MIB1: variants seen among roughly 807,000 people sequenced by gnomAD.
MIB1 encodes E3 ubiquitin-protein ligase MIB1.
A neutral mutation model predicts 124.5 loss-of-function variants in MIB1; 278 were observed. The ratio of observed to expected loss-of-function variants is 2.23; its 90% CI spans 2.02 to 2.47. The LOEUF is 2.47. Ranked by LOEUF, MIB1 falls within the 30% of genes most tolerant of loss-of-function variation. MIB1 has a pLI of 0.00. For missense variants in MIB1, 957 were observed against 1,254.4 expected (o/e 0.76, Z 3.58); for synonymous variants, 446 against 429.4 (o/e 1.04, Z -0.48).
intron 18 of MIB1, among the ~76,000 whole-genome samples, chr18:21,855,268 G>A (rs1416187385): frequency 2.0e-5 from 3 of 152,206 alleles, no homozygotes; most frequent in East Asian, 1.9e-4. Flanking sequence ...AATGTAGTTC[G>A]TCCAGTACCC....
intron 9 of MIB1, chr18:21,803,669 C>T (rs147975978): frequency 6.4e-5 from 22 of 342,584 alleles, no homozygotes; most frequent in Non-Finnish European, 1.1e-4. Context: ...TTGCAGATTG[C>T]CTAACAGTTA....
intron 18 of MIB1, among the ~76,000 whole-genome samples, chr18:21,856,745 A>G (rs1177474457): frequency 6.6e-6 from 1 of 152,208 alleles, no homozygotes; most frequent in Non-Finnish European, 1.5e-5. Flanking sequence ...AAGAAATATA[A>G]AGAAAATTAT....
In MIB1 at chr18:21,768,684, G is replaced by A. The variant is rs939932559; in HGVS notation, c.463G>A (p.Ala155Thr). 1 of 1,608,538 alleles carries A rather than the reference G, an allele frequency of 6.2e-7. No homozygotes were observed. Among genetic ancestry groups the A allele is most frequent in the Non-Finnish European group, 8.5e-7 (1 of 1,177,370 alleles). The stretch of plus-strand genomic sequence containing the variant: ...TACAGCCAGAGGAATCTTTGCAGGT[G>A]CCAGAGTGGTGCGAGGAGTGGACTG... ...KITARGIFAG[A>T]RVVRGVDWQW... Residue 155 changes from alanine (A) to threonine (T), a missense_variant, in exon 3 of 21, where the codon GCC (alanine) becomes ACC (threonine). Physicochemically the swap from Ala to Thr is moderately conservative, Grantham distance 58 (BLOSUM62 0). Transcript: ENST00000261537.
chr18:21,732,034 T>C (rs964236168), intron 1 of MIB1, among the ~76,000 whole-genome samples: 11 of 149,540 alleles, frequency 7.4e-5, no homozygotes, highest in African/African-American at 1.8e-4. Context: ...TATATATATA[T>C]ACTTCTTGGT....
intron 6 of MIB1, among the ~76,000 whole-genome samples, chr18:21,783,205 T>A (rs1398528755): frequency 6.6e-6 from 1 of 152,008 alleles, no homozygotes; most frequent in Non-Finnish European, 1.5e-5. Context: ...GGTTGGGTCA[T>A]TTAAACAATT....
In MIB1 at chr18:21,865,612, A is replaced by G. The variant is rs1459381318; in HGVS notation, c.*946A>G. Reference sequence around the variant, plus strand: ...ATTTAGCTTTGCAGATGTACATAGTATCCCAGTGATCTGCAAAATTAATGC... The same window carrying G: ...ATTTAGCTTTGCAGATGTACATAGTGTCCCAGTGATCTGCAAAATTAATGC... On this transcript the variant is annotated 3_prime_UTR_variant, in exon 21 of 21. Coordinates refer to ENST00000261537, the MANE Select transcript of MIB1 (RefSeq NM_020774.4). The G allele has an allele frequency of 6.6e-6, 1 of 152,652 alleles. No individual in the cohort carries two copies. Among genetic ancestry groups the G allele is most frequent in the African/African-American group, 2.4e-5 (1 of 41,464 alleles). 9.5% of individuals were successfully genotyped at this position (152,652 alleles called of 1,614,324 possible).
chr18:21,861,663 C>A (rs1557349), intron 20 of MIB1, among the ~76,000 whole-genome samples: 146,326 of 148,816 alleles, frequency 0.98, 71,957 homozygotes, highest in South Asian at 1. Context: ...AAAAAAAAAA[C>A]AAACAACAAC....
At position 21,846,989 on chromosome 18, in the gene MIB1, G is replaced by GC; in HGVS notation, c.2258dup (p.Ser754IlefsTer12). ...CCAGGGGGCAGAGAAGAAGAGTGCA[G>GC]CATCTATTGCCTGTTTCTTGGCAGC... On this transcript the variant is annotated frameshift_variant, in exon 16 of 21. Coordinates refer to ENST00000261537, the MANE Select transcript of MIB1 (RefSeq NM_020774.4). LOFTEE classifies it high-confidence loss of function. The GC allele has an allele frequency of 6.2e-7, 1 of 1,614,136 alleles. No individual in the cohort carries two copies. The highest frequency in any genetic ancestry group is 8.5e-7 in the Non-Finnish European group (1 of 1,180,010).
At chr18:21,754,397 C>T (rs1182643503) in intron 1 of MIB1, among the ~76,000 whole-genome samples, 1 of 152,190 alleles carries the variant, frequency 6.6e-6, no homozygotes, top group East Asian at 1.9e-4. Flanking sequence ...ATGAACTCTC[C>T]TGCCTGGGAC....
At chr18:21,734,340 C>T (rs1280473878) in intron 1 of MIB1, among the ~76,000 whole-genome samples, 2 of 151,844 alleles carry the variant, frequency 1.3e-5, no homozygotes, top group African/African-American at 2.4e-5. Flanking sequence ...CTCCTGACCT[C>T]GTGATCCACC....
chr18:21,770,712 TG>T (rs2041215375), intron 3 of MIB1, among the ~76,000 whole-genome samples: 2 of 152,180 alleles, frequency 1.3e-5, no homozygotes, highest in South Asian at 4.1e-4. Flanking sequence ...AGATCATATT[TG>T]TTTTTTTGTT....
chr18:21,714,786 T>C (rs1034221836), intron 1 of MIB1, among the ~76,000 whole-genome samples: 17 of 152,186 alleles, frequency 1.1e-4, no homozygotes, highest in Non-Finnish European at 2.2e-4. Flanking sequence ...CATATTGAAA[T>C]ACCTGATCAG....
intron 1 of MIB1, among the ~76,000 whole-genome samples, chr18:21,751,410 A>G (rs2040973811): frequency 1.3e-5 from 2 of 152,030 alleles, no homozygotes; most frequent in South Asian, 2.1e-4. Context: ...ACAGGTGTGC[A>G]TCACCATGCC....
chr18:21,845,115 A>C (rs1312141001), intron 15 of MIB1, among the ~76,000 whole-genome samples: 1 of 151,950 alleles, frequency 6.6e-6, no homozygotes, highest in Non-Finnish European at 1.5e-5. Flanking sequence ...GGTTCAAGTA[A>C]TTCTCCTGCC....
At chr18:21,743,916 C>A (rs887221735) in intron 1 of MIB1, among the ~76,000 whole-genome samples, 1 of 151,958 alleles carries the variant, frequency 6.6e-6, no homozygotes, top group Non-Finnish European at 1.5e-5. Context: ...AGATGTTTTT[C>A]AGAAGTAACT....
At chr18:21,742,250 T>C (rs556655561) in intron 1 of MIB1, among the ~76,000 whole-genome samples, 1 of 151,342 alleles carries the variant, frequency 6.6e-6, no homozygotes, top group African/African-American at 2.4e-5. Context: ...CCAAGGGGCC[T>C]TGGTACCTCG....
rs1179661645 is a variant in MIB1, at chr18:21,819,555, G to C, written c.1738G>C (p.Ala580Pro). Residue 580 changes from alanine (A) to proline (P), a missense_variant, in exon 12 of 21, where the codon GCA becomes CCA. Ala to Pro is a conservative substitution (Grantham distance 27). Coordinates refer to ENST00000261537, the MANE Select transcript of MIB1 (RefSeq NM_020774.4). ...AISKKRDDIL[A>P]VLLEAGADVT... is the part of the protein sequence containing the mutation. The stretch of plus-strand genomic sequence containing the variant: ...AAGTAAGAAACGTGATGATATCCTA[G>C]CAGTTCTTTTGGAAGCTGGAGCAGA... 2 of 1,611,106 alleles carry C rather than the reference G, an allele frequency of 1.2e-6. No homozygotes were observed. The highest frequency in any genetic ancestry group is 2.2e-5 in the East Asian group (1 of 44,824).
chr18:21,755,329 AC>A (rs2041019334), intron 1 of MIB1, among the ~76,000 whole-genome samples: 1 of 146,252 alleles, frequency 6.8e-6, no homozygotes, highest in South Asian at 2.1e-4. Flanking sequence ...ATTGTAAACA[AC>A]TGGCTTTTTT....
intron 3 of MIB1, among the ~76,000 whole-genome samples, chr18:21,773,404 C>T (rs888550552): frequency 1.3e-5 from 2 of 152,130 alleles, no homozygotes; most frequent in Non-Finnish European, 2.9e-5. Context: ...AAAATTTCTA[C>T]AGAGGTTTTA....
Sources: gnomAD v4.1 joint callset for allele counts (sites outside exome capture counted in the v4.1 genomes callset) on GRCh38, gnomAD v4.1.1 for gene constraint, MANE v1.5 for transcripts, NCBI Gene and HGNC (gene_info 2026-07-23, HGNC 2026-07-21) for gene names.